The following RSF1 variants were observed in gnomAD, a reference collection of about 807,000 sequenced individuals.
The protein encoded by RSF1 is HBV pX-associated protein 8.
A neutral mutation model predicts 145.2 loss-of-function variants in RSF1; 13 were observed. The ratio of observed to expected loss-of-function variants is 0.09; its 90% CI spans 0.06 to 0.14. The LOEUF is 0.14. Among genes scored for constraint, RSF1 ranks in the 10% least tolerant of loss-of-function variants. The pLI, the probability that RSF1 is intolerant of heterozygous loss-of-function variation, is 1.00. For synonymous variants in RSF1, 577 were observed against 592.6 expected, an observed-to-expected ratio of 0.97 and a Z score of 0.38; for missense variants, 1,517 against 1,718.2, an observed-to-expected ratio of 0.88 and a Z score of 2.07.
At chr11:77,833,441 G>A in the RSF1 span, among the ~76,000 whole-genome samples, 97 of 152,226 alleles carry the variant, frequency 6.4e-4, 2 homozygotes, top group African/African-American at 2.3e-3. Context: ...TAGGGTTCAC[G>A]CATCTATGAT....
At chr11:77,842,666 G>T in the RSF1 span, 1 of 1,600,486 alleles carries the variant, frequency 6.2e-7, no homozygotes, top group South Asian at 1.1e-5. Context: ...ACATGAGGCT[G>T]ACCAAGTGAT....
chr11:77,761,142 T>G (rs1324763954), intron 2 of RSF1, among the ~76,000 whole-genome samples: 1 of 152,112 alleles, frequency 6.6e-6, no homozygotes, highest in Non-Finnish European at 1.5e-5. Flanking sequence ...GGTTTCACCA[T>G]GTTGGTCAGG....
chr11:77,822,689 T>A (rs1246719490), upstream of RSF1, among the ~76,000 whole-genome samples: 1 of 152,172 alleles, frequency 6.6e-6, no homozygotes, highest in Non-Finnish European at 1.5e-5. Context: ...ATTTATTGCC[T>A]TGAATAGTGA....
chr11:77,668,658 C>T (rs1011939723), intron 15 of RSF1, among the ~76,000 whole-genome samples: 1 of 152,134 alleles, frequency 6.6e-6, no homozygotes, highest in Admixed American at 6.5e-5. Flanking sequence ...CTAAACAATA[C>T]AGTATAACAA....
the RSF1 span, chr11:77,840,965 A>G: frequency 2.0e-6 from 1 of 493,028 alleles, no homozygotes; most frequent in Non-Finnish European, 3.6e-6. Context: ...ATAACTGAAT[A>G]CCTGAAACTG....
intron 1 of RSF1, among the ~76,000 whole-genome samples, chr11:77,817,799 T>A (rs1420666396): frequency 6.6e-6 from 1 of 152,192 alleles, no homozygotes; most frequent in Non-Finnish European, 1.5e-5. Context: ...CTACAACTCT[T>A]TCCCAAAAAG....
At chr11:77,722,775 T>C (rs1455572440) in intron 5 of RSF1, among the ~76,000 whole-genome samples, 2 of 152,218 alleles carry the variant, frequency 1.3e-5, no homozygotes, top group East Asian at 3.8e-4. Flanking sequence ...CAATAAATGT[T>C]AGCTGTTGTT....
At chr11:77,673,390 T>C (rs1959607026) in intron 14 of RSF1, among the ~76,000 whole-genome samples, 1 of 152,232 alleles carries the variant, frequency 6.6e-6, no homozygotes, top group East Asian at 1.9e-4. Context: ...TCCACCGAAG[T>C]ACGACATTCA....
intron 7 of RSF1, among the ~76,000 whole-genome samples, chr11:77,693,931 C>T (rs1225538879): frequency 6.6e-6 from 1 of 151,904 alleles, no homozygotes; most frequent in Non-Finnish European, 1.5e-5. Context: ...ACTACAGGTG[C>T]CTGCCACCAC....
intron 1 of RSF1, among the ~76,000 whole-genome samples, chr11:77,812,106 G>C (rs1948737346): frequency 2.0e-5 from 3 of 152,140 alleles, no homozygotes; most frequent in African/African-American, 7.2e-5. Context: ...CTGAGTCTGG[G>C]AGGTAGAGGT....
At chr11:77,733,323 G>C (rs1339004233) in intron 4 of RSF1, among the ~76,000 whole-genome samples, 1 of 150,932 alleles carries the variant, frequency 6.6e-6, no homozygotes, top group Non-Finnish European at 1.5e-5. Context: ...ATGATGCTAA[G>C]CACTTTTTCA....
At chr11:77,688,811 T>C (rs963251460) in intron 9 of RSF1, among the ~76,000 whole-genome samples, 70 of 152,174 alleles carry the variant, frequency 4.6e-4, no homozygotes, top group African/African-American at 1.7e-3. Context: ...CAAAGTACTT[T>C]TATGTCCTAG....
chr11:77,732,002 G>C (rs1961217832), intron 4 of RSF1, among the ~76,000 whole-genome samples: 1 of 152,178 alleles, frequency 6.6e-6, no homozygotes, highest in South Asian at 2.1e-4. Context: ...CTAGACCCCA[G>C]AATGGTAGAT....
At chr11:77,686,408 C>CAAAAAAAAATAAAAAAAAA (rs1960006570) in intron 9 of RSF1, among the ~76,000 whole-genome samples, 1 of 37,132 alleles carries the variant, frequency 2.7e-5, no homozygotes, top group South Asian at 9.8e-4. Flanking sequence ...GACCCTGTCT[C>CAAAAAAAAATAAAAAAAAA]AAAAAAAAAA....
chr11:77,716,676 C>G (rs1350758705), intron 5 of RSF1, among the ~76,000 whole-genome samples: 2 of 152,000 alleles, frequency 1.3e-5, no homozygotes, highest in African/African-American at 2.4e-5. Flanking sequence ...TTCAAGAGAT[C>G]TACTACTGTA....
At chr11:77,834,452 T>TG in the RSF1 span, among the ~76,000 whole-genome samples, 1 of 149,102 alleles carries the variant, frequency 6.7e-6, no homozygotes, top group East Asian at 1.9e-4. Flanking sequence ...TTTTTTTTTT[T>TG]TTTTTTTTTT....
chr11:77,820,702 CCGCCGT>C lies in RSF1; in HGVS notation c.7_12del (p.Thr3_Ala4del). On this transcript the variant is annotated inframe_deletion, in exon 1 of 16. Transcript: ENST00000308488. ...GGAGCCATCACCGCCGCCGCTGCCG[CCGCCGT>C]CGCCATTTTGAACTGGAGGATGGAG... 1 of 1,549,406 alleles carries C rather than the reference CCGCCGT, an allele frequency of 6.5e-7. No homozygotes were observed. The highest frequency in any genetic ancestry group is 1.2e-5 in the South Asian group (1 of 84,004).
chr11:77,705,883 A>G (rs776875595), intron 5 of RSF1, among the ~76,000 whole-genome samples: 2 of 152,066 alleles, frequency 1.3e-5, no homozygotes, highest in African/African-American at 2.4e-5. Context: ...AAAAAACCCA[A>G]CAAACCAACA....
intron 1 of RSF1, among the ~76,000 whole-genome samples, chr11:77,811,694 G>A (rs921324396): frequency 9.9e-5 from 15 of 152,072 alleles, no homozygotes; most frequent in Admixed American, 7.2e-4. Flanking sequence ...GCAGTTTGGC[G>A]TGATTAAAAC....
Sources: allele counts gnomAD v4.1 joint callset (sites outside exome capture counted in the v4.1 genomes callset), GRCh38; gene constraint gnomAD v4.1.1; transcripts MANE v1.5; gene names NCBI Gene and HGNC (gene_info 2026-07-23, HGNC 2026-07-21).